The following DENND2C variants were observed in gnomAD, a reference collection of about 807,000 sequenced individuals.
DENND2C encodes DENN domain-containing protein 2C.
In DENND2C, 72 loss-of-function variants were observed where a neutral mutation model predicts 112.4. The ratio of observed to expected loss-of-function variants is 0.64; its 90% confidence interval spans 0.53 to 0.78. The LOEUF is 0.78. Among genes scored for constraint, DENND2C ranks in the 30% least tolerant of loss-of-function variants. The pLI is 0.00. For missense variants in DENND2C, 992 were observed against 1,113.8 expected (o/e 0.89, Z 1.56); for synonymous variants, 329 against 381.6 (o/e 0.86, Z 1.61).
intron 9 of DENND2C, among the ~76,000 whole-genome samples, chr1:114,610,095 C>A (rs1187473088): frequency 6.6e-6 from 1 of 152,224 alleles, no homozygotes; most frequent in East Asian, 1.9e-4. Flanking sequence ...GGAACTGGAA[C>A]TGCCCTGTAC....
At chr1:114,646,032 T>C (rs983308495) in intron 2 of DENND2C, among the ~76,000 whole-genome samples, 12 of 152,164 alleles carry the variant, frequency 7.9e-5, no homozygotes, top group African/African-American at 2.7e-4. Flanking sequence ...GTTCACGCCA[T>C]TCTCCTGCCT....
At chr1:114,649,602 T>C (rs1203877987) in intron 2 of DENND2C, among the ~76,000 whole-genome samples, 2 of 152,212 alleles carry the variant, frequency 1.3e-5, no homozygotes, top group South Asian at 2.1e-4. Context: ...GGTCTTGAAC[T>C]CTTGGGCTCA....
chr1:114,587,920 A>G lies in DENND2C; in HGVS notation c.2464T>C (p.Phe822Leu). The change falls in exon 19 of 21, where the codon TTT (phenylalanine) becomes CTT (leucine). Residue 822 changes from phenylalanine to leucine, a missense_variant. Phe to Leu is a conservative substitution (Grantham distance 22, BLOSUM62 0). Transcript: ENST00000393274. ...ACCAACTCCACAAAAAACCTGACAA[A>G]TGCTTCGGACACCAGAGAGTTGAGT... ...VTLNSLVSEA[F>L]VRFFVELVGH... 6.2e-7 allele frequency: 1 copy of G among 1,614,188 alleles called. No individual in the cohort carries two copies.
chr1:114,644,333 C>T (rs1229154969), intron 3 of DENND2C, among the ~76,000 whole-genome samples: 1 of 152,140 alleles, frequency 6.6e-6, no homozygotes, highest in Middle Eastern at 3.2e-3. Flanking sequence ...ACTTCTCTCC[C>T]TCACTGGAAT....
At chr1:114,664,490 T>G (rs1222672307) in intron 1 of DENND2C, among the ~76,000 whole-genome samples, 1 of 151,908 alleles carries the variant, frequency 6.6e-6, no homozygotes, top group Non-Finnish European at 1.5e-5. Context: ...TATTTAAATT[T>G]TTTTGAGATG....
At chr1:114,599,783 C>G (rs1655441434) in intron 15 of DENND2C, among the ~76,000 whole-genome samples, 1 of 152,082 alleles carries the variant, frequency 6.6e-6, no homozygotes, top group South Asian at 2.1e-4. Context: ...TAGCCTAACG[C>G]AAGTGGCTTT....
intron 6 of DENND2C, among the ~76,000 whole-genome samples, chr1:114,622,361 C>T (rs1338509739): frequency 1.3e-5 from 2 of 152,022 alleles, no homozygotes; most frequent in Non-Finnish European, 2.9e-5. Flanking sequence ...AGCAATCCTC[C>T]CACCTCAGCC....
intron 7 of DENND2C, among the ~76,000 whole-genome samples, chr1:114,620,027 A>G (rs1656120321): frequency 6.6e-6 from 1 of 152,204 alleles, no homozygotes; most frequent in African/African-American, 2.4e-5. Flanking sequence ...AGGCTTCCAC[A>G]GCAGGGAAGG....
intron 3 of DENND2C, among the ~76,000 whole-genome samples, chr1:114,635,867 A>G (rs1570794445): frequency 6.6e-6 from 1 of 152,078 alleles, no homozygotes; most frequent in East Asian, 1.9e-4. Context: ...GTAGCCAGGC[A>G]TAGTGGCGTG....
rs150056950 is a variant in DENND2C at position 114,622,219 on chromosome 1, T to A, written c.1057-154A>T. Among the ~76,000 whole-genome samples the A allele has an allele frequency of 1.2e-3, 178 of 152,066 alleles. 2 individuals carry two copies. Among genetic ancestry groups the A allele is most frequent in the African/African-American group, 4.0e-3 (165 of 41,478 alleles). ...GCCTTGATCTCCTGAGCTCAAGTGATCCCCCCACCTCAGCCCCTTGAGCAG... is the reference window on the plus strand; with the variant it reads ...GCCTTGATCTCCTGAGCTCAAGTGAACCCCCCACCTCAGCCCCTTGAGCAG... On this transcript the variant is annotated intron_variant, in intron 6 of 20. Transcript: ENST00000393274.
chr1:114,632,788 C>T (rs1222356743), intron 3 of DENND2C, among the ~76,000 whole-genome samples: 2 of 151,820 alleles, frequency 1.3e-5, no homozygotes, highest in African/African-American at 4.8e-5. Context: ...GAAAATTATG[C>T]TATTAGCAGA....
At chr1:114,660,835 G>A (rs767563732) in intron 1 of DENND2C, among the ~76,000 whole-genome samples, 8 of 152,048 alleles carry the variant, frequency 5.3e-5, no homozygotes, top group South Asian at 2.1e-4. Flanking sequence ...AAATCCTGCC[G>A]GGCGTGGTGT....
chr1:114,602,334 C>T lies in DENND2C; in HGVS notation c.1668-140G>A, dbSNP rs970747645. 3.9e-6 allele frequency: 3 copies of T among 759,784 alleles called. No homozygotes were observed. The African/African-American group carries it at 5.3e-5, about 13-fold the overall frequency. The allele number at this position is 759,784 out of a possible 1,614,324, so 47.1% of individuals were successfully genotyped here. A position where few individuals can be genotyped will look rare whatever the true frequency, so the allele number is the denominator to read the frequency against. ...GATCCAAACAACCACTTACGGCATTCTCCATGGAAAAAACAATTGAAAACT... is the reference window on the plus strand; with the variant it reads ...GATCCAAACAACCACTTACGGCATTTTCCATGGAAAAAACAATTGAAAACT... On this transcript the variant is annotated intron_variant, in intron 11 of 20. Coordinates refer to ENST00000393274, the MANE Select transcript of DENND2C (RefSeq NM_001256404.2).
At chr1:114,620,586 G>A (rs1656137597) in intron 7 of DENND2C, among the ~76,000 whole-genome samples, 2 of 152,134 alleles carry the variant, frequency 1.3e-5, no homozygotes, top group Admixed American at 1.3e-4. Context: ...ACAATTTGTT[G>A]TTGCTGGGCC....
chr1:114,652,763 C>T (rs911401423), intron 2 of DENND2C, among the ~76,000 whole-genome samples: 1 of 148,650 alleles, frequency 6.7e-6, no homozygotes, highest in South Asian at 2.1e-4. Flanking sequence ...TGCACTACAG[C>T]CTTGAACTCC....
intron 16 of DENND2C, among the ~76,000 whole-genome samples, chr1:114,596,754 T>C (rs2101644971): frequency 6.6e-6 from 1 of 152,318 alleles, no homozygotes; most frequent in Admixed American, 6.5e-5. Flanking sequence ...TAAAAAGTTT[T>C]TTTTTAAATT....
intron 3 of DENND2C, among the ~76,000 whole-genome samples, chr1:114,634,917 A>T (rs920747906): frequency 2.0e-5 from 3 of 151,634 alleles, no homozygotes; most frequent in Non-Finnish European, 4.4e-5. Context: ...AATCCCAGCT[A>T]CTGGGGAGGC....
In DENND2C at chr1:114,598,478, T is replaced by G. The variant is rs377598949; in HGVS notation, c.2283+796A>C. On this transcript the variant is annotated intron_variant, in intron 16 of 20. Transcript: ENST00000393274. ...GGTAAAACTATAAAGCAAAAACAAG[T>G]AAATGAATACCATAAAAGTCAAGAT... is the stretch of plus-strand genomic sequence containing the variant. Among the ~76,000 whole-genome samples the G allele has an allele frequency of 1.3e-3, 194 of 151,896 alleles. 1 individual carries two copies. The highest frequency in any genetic ancestry group is 4.3e-3 in the African/African-American group (179 of 41,480).
chr1:114,618,737 C>T (rs1430356053), intron 7 of DENND2C, among the ~76,000 whole-genome samples: 2 of 152,352 alleles, frequency 1.3e-5, no homozygotes, highest in African/African-American at 2.4e-5. Flanking sequence ...CTTTTAGATT[C>T]CTTGTCACTC....
Sources: gnomAD v4.1 joint callset for allele counts (sites outside exome capture counted in the v4.1 genomes callset) on GRCh38, gnomAD v4.1.1 for gene constraint, MANE v1.5 for transcripts, NCBI Gene and HGNC (gene_info 2026-07-23, HGNC 2026-07-21) for gene names.